The following SLC25A26 variants were observed in gnomAD, a reference collection of about 807,000 sequenced individuals.
The protein encoded by SLC25A26 is solute carrier family 25 member 26, also known as mitochondrial S-adenosylmethionine carrier protein.
SLC25A26 carries 36 observed loss-of-function variants against 37.8 expected under a neutral mutation model. That is an observed-to-expected ratio of 0.95 (90% CI 0.73 to 1.26). The LOEUF is 1.26. SLC25A26 is among the 50% of genes most tolerant of loss of function. The probability of loss-of-function intolerance (pLI) is 0.00; values close to 1 mark genes in which losing one functional copy is unlikely to be tolerated. For synonymous variants in SLC25A26, 129 were observed against 122.5 expected (o/e 1.05, Z -0.35); for missense variants, 390 against 331.1 (o/e 1.18, Z -1.38).
At chr3:66,292,583 C>T (rs1341040326) in intron 5 of SLC25A26, among the ~76,000 whole-genome samples, 1 of 152,128 alleles carries the variant, frequency 6.6e-6, no homozygotes, top group African/African-American at 2.4e-5. Context: ...ATTTGAAATT[C>T]TGGGTTGAAA....
In SLC25A26 at chr3:66,313,993, T is replaced by C. The variant is rs187733547; in HGVS notation, c.454-32371T>C. 4.0e-4 allele frequency among the ~76,000 whole-genome samples: 61 copies of C among 152,320 alleles called. No individual in the cohort carries two copies. In the Middle Eastern group the frequency reaches 0.014, roughly 34 times the overall value. ...TTTGTATCCTGAGACGTTGCTGAAA[T>C]TGCTTAAAAGCTTAAGAAGCTTGTG... On this transcript the variant is annotated intron_variant, in intron 5 of 9. Coordinates refer to ENST00000354883, the MANE Select transcript of SLC25A26 (RefSeq NM_001379210.1).
At chr3:66,329,322 T>G (rs1488186187) in intron 5 of SLC25A26, among the ~76,000 whole-genome samples, 2 of 152,226 alleles carry the variant, frequency 1.3e-5, no homozygotes, top group Non-Finnish European at 2.9e-5. Context: ...CTTCATTTTC[T>G]TAAAATTCTG....
At chr3:66,348,467 G>C (rs2076377672) in intron 6 of SLC25A26, among the ~76,000 whole-genome samples, 1 of 152,038 alleles carries the variant, frequency 6.6e-6, no homozygotes, top group Non-Finnish European at 1.5e-5. Context: ...AGTGAAAATG[G>C]TTCATAAATG....
chr3:66,330,362 T>G (rs138113249), intron 5 of SLC25A26, among the ~76,000 whole-genome samples: 5 of 152,316 alleles, frequency 3.3e-5, no homozygotes, highest in African/African-American at 9.6e-5. Flanking sequence ...CAATCAGATG[T>G]GACAACAGGT....
intron 1 of SLC25A26, among the ~76,000 whole-genome samples, chr3:66,188,778 C>T (rs1251791477): frequency 4.6e-5 from 7 of 151,048 alleles, no homozygotes; most frequent in Non-Finnish European, 8.8e-5. Context: ...CCACGATTAA[C>T]ACCCTGGCAC....
chr3:66,160,209 C>T (rs936024578), intron 1 of SLC25A26, among the ~76,000 whole-genome samples: 5 of 152,104 alleles, frequency 3.3e-5, no homozygotes, highest in African/African-American at 1.2e-4. Flanking sequence ...AGGCTGGTCT[C>T]GAGCACCTGA....
chr3:66,377,658 C>G, intron 9 of SLC25A26, 32 bp from the exon 10 acceptor site: 1 of 1,540,498 alleles, frequency 6.5e-7, no homozygotes. Context: ...TTAAAATACG[C>G]ACAACATTAA....
chr3:66,268,058 T>C (rs1487410681), intron 5 of SLC25A26, among the ~76,000 whole-genome samples: 1 of 152,170 alleles, frequency 6.6e-6, no homozygotes, highest in African/African-American at 2.4e-5. Flanking sequence ...TATTTTTTGT[T>C]GCTGCTTTCT....
At chr3:66,168,926 C>T (rs1203692391) in intron 1 of SLC25A26, among the ~76,000 whole-genome samples, 1 of 152,100 alleles carries the variant, frequency 6.6e-6, no homozygotes, top group Non-Finnish European at 1.5e-5. Flanking sequence ...GTTCAAGACC[C>T]GATTGAGCAA....
Position 66,243,186 on chromosome 3 carries a change from C to G in SLC25A26, c.191-17C>G. On this transcript the variant is annotated splice_polypyrimidine_tract_variant and intron_variant, in intron 2 of 9. Coordinates refer to ENST00000354883, the MANE Select transcript of SLC25A26 (RefSeq NM_001379210.1). ...ATGTTTAAACTTTGTGAAAGACTGG[C>G]TTGTTTTAAATTTCAGCTGCTGCAT... 7.3e-7 allele frequency: 1 copy of G among 1,364,856 alleles called. No individual in the cohort carries two copies. Among genetic ancestry groups the G allele is most frequent in the Non-Finnish European group, 1.0e-6 (1 of 964,176 alleles). The allele number at this position is 1,364,856 out of a possible 1,614,324, so 84.5% of individuals were successfully genotyped here.
At chr3:66,143,349 T>C (rs548203713) in intron 1 of SLC25A26, among the ~76,000 whole-genome samples, 2 of 152,332 alleles carry the variant, frequency 1.3e-5, no homozygotes, top group South Asian at 4.1e-4. Context: ...TTTGGGTATA[T>C]ACCTATGAGC....
chr3:66,160,506 G>C (rs993079930), intron 1 of SLC25A26, among the ~76,000 whole-genome samples: 2 of 152,184 alleles, frequency 1.3e-5, no homozygotes, highest in African/African-American at 4.8e-5. Flanking sequence ...ATGTGTGAAG[G>C]GGATGCATCT....
rs1700771704 is a variant in SLC25A26, at chr3:66,377,932, C to A, written c.*125C>A. 2 of 733,140 alleles carry A rather than the reference C, an allele frequency of 2.7e-6. No homozygotes were observed. Among genetic ancestry groups the A allele is most frequent in the South Asian group, 3.5e-5 (2 of 57,946 alleles). The allele number at this position is 733,140 out of a possible 1,614,324, so 45.4% of individuals were successfully genotyped here. On this transcript the variant is annotated 3_prime_UTR_variant, in exon 10 of 10. Coordinates refer to ENST00000354883, the MANE Select transcript of SLC25A26 (RefSeq NM_001379210.1). ...AAGACCAGTTGTGCTAAGATACCGG[C>A]ATGGAGATTGTGCCATCCGTGGTAT... is the stretch of plus-strand genomic sequence containing the variant.
chr3:66,237,995 A>G (rs914044861), intron 2 of SLC25A26, among the ~76,000 whole-genome samples: 1 of 152,178 alleles, frequency 6.6e-6, no homozygotes, highest in Admixed American at 6.5e-5. Context: ...TCCCCCAGCC[A>G]TCATTAGAAT....
At chr3:66,220,904 C>T (rs2071454112), upstream of SLC25A26, 5 of 648,438 alleles carry the variant, frequency 7.7e-6, no homozygotes, top group Middle Eastern at 2.5e-4. Flanking sequence ...CCCCGAGGCC[C>T]CGCCCCTCCT....
At chr3:66,224,451 TACTC>T (rs1246327212) in intron 1 of SLC25A26, among the ~76,000 whole-genome samples, 1 of 152,198 alleles carries the variant, frequency 6.6e-6, no homozygotes, top group Admixed American at 6.5e-5. Flanking sequence ...CTGTGAGACT[TACTC>T]ACTATTACCA....
At chr3:66,283,855 C>G (rs1375534992) in intron 5 of SLC25A26, among the ~76,000 whole-genome samples, 2 of 152,142 alleles carry the variant, frequency 1.3e-5, no homozygotes, top group Non-Finnish European at 2.9e-5. Context: ...AGACTTCTAT[C>G]TCTTGAACAT....
chr3:66,344,565 A>G (rs907985580), intron 5 of SLC25A26, among the ~76,000 whole-genome samples: 2 of 152,192 alleles, frequency 1.3e-5, no homozygotes, highest in Non-Finnish European at 2.9e-5. Context: ...TGTAGTGATA[A>G]TGATAATGTT....
At chr3:66,229,276 C>T (rs1226209019) in intron 1 of SLC25A26, among the ~76,000 whole-genome samples, 1 of 152,184 alleles carries the variant, frequency 6.6e-6, no homozygotes, top group African/African-American at 2.4e-5. Flanking sequence ...TATAGGTACT[C>T]TTTTCCCTGT....
Sources: allele counts gnomAD v4.1 joint callset (sites outside exome capture counted in the v4.1 genomes callset), GRCh38; gene constraint gnomAD v4.1.1; transcripts MANE v1.5; gene names NCBI Gene and HGNC (gene_info 2026-07-23, HGNC 2026-07-21).